Variants in ACTR3C observed in about 807,000 individuals in gnomAD.
The protein encoded by ACTR3C is actin-related protein 3C.
Under a neutral mutation model 26.3 loss-of-function variants are expected in ACTR3C, and 18 were observed. The observed-to-expected ratio is 0.68, with a 90% CI of 0.47 to 1.01. The LOEUF (loss-of-function observed/expected upper bound fraction) is 1.01, where lower values mean the gene tolerates loss of function less well. Ranked by LOEUF, ACTR3C falls within the 50% of genes least tolerant of loss-of-function variation. ACTR3C has a pLI of 0.00. For missense variants in ACTR3C, 184 were observed against 250.7 expected (o/e 0.73, Z 1.80); for synonymous variants, 55 against 94.5 (o/e 0.58, Z 2.42).
At chr7:150,312,545 T>A (rs1342850691) in intron 1 of ACTR3C, among the ~76,000 whole-genome samples, 1 of 152,220 alleles carries the variant, frequency 6.6e-6, no homozygotes, top group African/African-American at 2.4e-5. Flanking sequence ...TATGCCTGAT[T>A]ACTGTTTTTA....
the ACTR3C span, among the ~76,000 whole-genome samples, chr7:150,161,222 A>ATATATATATATATATATATATATATT: frequency 3.3e-5 from 4 of 120,336 alleles, no homozygotes; most frequent in African/African-American, 7.1e-5. Flanking sequence ...ATATATATAT[A>ATATATATATATATATATATATATATT]TATTTATTAT....
At chr7:150,193,977 C>T in the ACTR3C span, among the ~76,000 whole-genome samples, 6 of 142,450 alleles carry the variant, frequency 4.2e-5, no homozygotes, top group Non-Finnish European at 7.5e-5. Context: ...ATATAAAATA[C>T]ACATACACAC....
At chr7:150,249,916 C>A (rs1225657368) in intron 6 of ACTR3C, among the ~76,000 whole-genome samples, 1 of 152,242 alleles carries the variant, frequency 6.6e-6, no homozygotes, top group Non-Finnish European at 1.5e-5. Flanking sequence ...CTCCACTTTA[C>A]TCCACGTGAT....
the ACTR3C span, chr7:149,892,202 C>G: frequency 7.5e-7 from 1 of 1,327,604 alleles, no homozygotes; most frequent in Non-Finnish European, 1.0e-6. Flanking sequence ...AATACAACTT[C>G]TAGATGACCA....
the ACTR3C span, among the ~76,000 whole-genome samples, chr7:150,193,991 G>GACACACACACACAC: frequency 4.5e-5 from 6 of 131,894 alleles, no homozygotes; most frequent in East Asian, 2.2e-4. Context: ...TACACACACA[G>GACACACACACACAC]ACACACACAC....
the ACTR3C span, among the ~76,000 whole-genome samples, chr7:150,196,283 G>A: frequency 6.6e-6 from 1 of 152,074 alleles, no homozygotes; most frequent in Non-Finnish European, 1.5e-5. Flanking sequence ...ACTCATGGAT[G>A]CTCTGTTCCT....
the ACTR3C span, among the ~76,000 whole-genome samples, chr7:150,116,100 G>A: frequency 2.6e-5 from 4 of 152,300 alleles, no homozygotes; most frequent in East Asian, 7.7e-4. Context: ...ATTAAATGAT[G>A]ACAACCTCAT....
At chr7:150,240,356 A>G (rs1832110950), downstream of ACTR3C, among the ~76,000 whole-genome samples, 1 of 152,238 alleles carries the variant, frequency 6.6e-6, no homozygotes. Flanking sequence ...TTTGAAGTCT[A>G]CAAGAATGCT....
At chr7:150,115,600 G>A in the ACTR3C span, among the ~76,000 whole-genome samples, 1 of 152,194 alleles carries the variant, frequency 6.6e-6, no homozygotes, top group Non-Finnish European at 1.5e-5. Context: ...TCTCTCTCTA[G>A]CCCAATCAAA....
chr7:150,242,126 G>A (rs1832211834), downstream of ACTR3C, among the ~76,000 whole-genome samples: 1 of 151,892 alleles, frequency 6.6e-6, no homozygotes, highest in Non-Finnish European at 1.5e-5. Flanking sequence ...TGAGGCAGGA[G>A]AATCGCTTGA....
chr7:149,910,881 A>G, the ACTR3C span, among the ~76,000 whole-genome samples: 1 of 151,356 alleles, frequency 6.6e-6, no homozygotes, highest in Non-Finnish European at 1.5e-5. Flanking sequence ...CAAATCACAC[A>G]TTGCTGCTCA....
chr7:150,221,424 A>G, the ACTR3C span, among the ~76,000 whole-genome samples: 1 of 152,216 alleles, frequency 6.6e-6, no homozygotes, highest in East Asian at 1.9e-4. Context: ...TGCTTCATGA[A>G]GACTGCATTG....
At chr7:149,943,874 A>G in the ACTR3C span, among the ~76,000 whole-genome samples, 6 of 144,272 alleles carry the variant, frequency 4.2e-5, no homozygotes, top group African/African-American at 2.9e-5. Context: ...TGCGGCCATC[A>G]CATTAATTTT....
At chr7:150,223,027 T>A in the ACTR3C span, among the ~76,000 whole-genome samples, 4 of 152,254 alleles carry the variant, frequency 2.6e-5, no homozygotes, top group African/African-American at 9.6e-5. Flanking sequence ...TATGTATATT[T>A]GTATAATCCA....
chr7:150,246,597 T>G (rs1296659983), downstream of ACTR3C: 5 of 152,228 alleles, frequency 3.3e-5, no homozygotes, highest in African/African-American at 1.2e-4. Context: ...ATGTCATCTT[T>G]TAAAAAATAT....
At chr7:150,107,883 G>A in the ACTR3C span, among the ~76,000 whole-genome samples, 14 of 152,106 alleles carry the variant, frequency 9.2e-5, no homozygotes, top group African/African-American at 3.4e-4. Context: ...GAAGCAAGGA[G>A]ACAAAAACGT....
At chr7:150,276,203 A>G (rs1374475133) in intron 6 of ACTR3C, among the ~76,000 whole-genome samples, 1 of 152,158 alleles carries the variant, frequency 6.6e-6, no homozygotes, top group Non-Finnish European at 1.5e-5. Context: ...CTTAATATCA[A>G]ATGCGGTATT....
chr7:150,160,523 G>A, the ACTR3C span, among the ~76,000 whole-genome samples: 5 of 152,168 alleles, frequency 3.3e-5, no homozygotes, highest in African/African-American at 4.8e-5. Context: ...GAGAAAGCAT[G>A]TTTTATGAGG....
At chr7:149,926,275 G>A in the ACTR3C span, among the ~76,000 whole-genome samples, 1 of 152,220 alleles carries the variant, frequency 6.6e-6, no homozygotes, top group Non-Finnish European at 1.5e-5. Context: ...TTCCCTATGT[G>A]CAGAAGAAAG....
Sources: gnomAD v4.1 joint callset for allele counts (sites outside exome capture counted in the v4.1 genomes callset) on GRCh38, gnomAD v4.1.1 for gene constraint, MANE v1.5 for transcripts, NCBI Gene and HGNC (gene_info 2026-07-23, HGNC 2026-07-21) for gene names.